Variants in FRMPD4 observed in about 807,000 individuals in gnomAD.
FRMPD4 encodes the protein FERM and PDZ domain-containing protein 4.
FRMPD4 carries 22 observed loss-of-function variants against 94.1 expected under a neutral mutation model. The observed-to-expected ratio is 0.23, with a 90% CI of 0.17 to 0.33. The LOEUF is 0.33. Ranked by LOEUF, FRMPD4 falls within the 10% of genes least tolerant of loss-of-function variation. FRMPD4 has a pLI of 1.00. For synonymous variants in FRMPD4, 631 were observed against 548.6 expected, an observed-to-expected ratio of 1.15 and a Z score of -2.10; for missense variants, 1,111 against 1,339.9, an observed-to-expected ratio of 0.83 and a Z score of 2.67.
intron 6 of FRMPD4, 138 bp downstream of exon 6, chrX:12,683,725 C>T: frequency 4.7e-6 from 2 of 427,143 alleles, no homozygotes; most frequent in South Asian, 8.1e-5. Context: ...TGTCAAATCT[C>T]AAGGTTGTAA....
intron 1 of FRMPD4, among the ~76,000 whole-genome samples, chrX:11,826,839 G>T (rs925229825): frequency 1.8e-5 from 2 of 109,807 alleles, no homozygotes; most frequent in African/African-American, 6.6e-5. Flanking sequence ...ACCTCAAAAG[G>T]TTCCCAGACA....
At chrX:12,281,169 T>C (rs1317242374) in intron 1 of FRMPD4, among the ~76,000 whole-genome samples, 1 of 111,685 alleles carries the variant, frequency 9.0e-6, no homozygotes, top group Non-Finnish European at 1.9e-5. Context: ...CAGGGAAGTT[T>C]GGGTGATGGG....
intron 1 of FRMPD4, among the ~76,000 whole-genome samples, chrX:12,165,266 A>G (rs1264545426): frequency 8.9e-6 from 1 of 112,482 alleles, no homozygotes; most frequent in Non-Finnish European, 1.9e-5. Context: ...CTTTCTACAT[A>G]TGGCCAGCCA....
At chrX:12,338,286 G>A (rs1265086868) in intron 1 of FRMPD4, among the ~76,000 whole-genome samples, 2 of 112,203 alleles carry the variant, frequency 1.8e-5, no homozygotes, top group Non-Finnish European at 3.8e-5. Flanking sequence ...CTGTGTCCTA[G>A]ACAGTATATA....
In FRMPD4 at chrX:12,190,430, C is replaced by A. The variant is rs758049498; in HGVS notation, c.41+51418C>A. 8.2e-5 allele frequency among the ~76,000 whole-genome samples: 9 copies of A among 110,389 alleles called. No homozygotes were observed. In the South Asian group the frequency reaches 3.1e-3, roughly 38 times the overall value. On this transcript the variant is annotated intron_variant, in intron 1 of 16. Transcript: ENST00000675598. ...CCAGAGGACTGACACTACCTAACTT[C>A]AAGAATTACTATAGAGACCAAAGCC...
intron 1 of FRMPD4, among the ~76,000 whole-genome samples, chrX:12,402,257 C>CG (rs879865703): frequency 2.0e-3 from 218 of 110,965 alleles, no homozygotes; most frequent in Middle Eastern, 9.2e-3. Flanking sequence ...CCACCCCCCC[C>CG]ACAAAAGCAG....
At chrX:12,259,622 C>T (rs759663533) in intron 1 of FRMPD4, among the ~76,000 whole-genome samples, 8 of 111,536 alleles carry the variant, frequency 7.2e-5, no homozygotes, top group South Asian at 3.8e-4. Flanking sequence ...TTCTAGGAAA[C>T]GAATACACGG....
intron 3 of FRMPD4, among the ~76,000 whole-genome samples, chrX:12,034,747 G>A (rs1313680210): frequency 8.9e-6 from 1 of 112,113 alleles, no homozygotes; most frequent in African/African-American, 3.2e-5. Flanking sequence ...CAGCATGTAG[G>A]CAGTCCTTGA....
intron 1 of FRMPD4, among the ~76,000 whole-genome samples, chrX:12,243,037 C>A (rs186148889): frequency 1.1e-4 from 12 of 112,392 alleles, no homozygotes; most frequent in Non-Finnish European, 1.9e-4. Context: ...CCACACCTGG[C>A]CCCAGCTAAT....
chrX:12,424,101 C>T (rs777931935), intron 1 of FRMPD4, among the ~76,000 whole-genome samples: 12 of 111,950 alleles, frequency 1.1e-4, no homozygotes, highest in Non-Finnish European at 2.1e-4. Flanking sequence ...ACAAAAGGAC[C>T]GAAACTTGTC....
At chrX:12,088,613 G>T (rs1201769273) in intron 3 of FRMPD4, among the ~76,000 whole-genome samples, 1 of 111,773 alleles carries the variant, frequency 8.9e-6, no homozygotes, top group Non-Finnish European at 1.9e-5. Flanking sequence ...GTGGTGAACT[G>T]GTGCTGGAGA....
chrX:12,124,033 A>T (rs951584977), intron 3 of FRMPD4, among the ~76,000 whole-genome samples: 7 of 111,278 alleles, frequency 6.3e-5, no homozygotes, highest in African/African-American at 2.3e-4. Context: ...ATTCTTTGTA[A>T]TCCAGTTCCT....
chrX:12,034,761 G>A (rs772451603), intron 3 of FRMPD4, among the ~76,000 whole-genome samples: 95 of 112,213 alleles, frequency 8.5e-4, no homozygotes, highest in African/African-American at 3.0e-3. Context: ...TCCTTGAAGG[G>A]AGTTATACTT....
intron 3 of FRMPD4, among the ~76,000 whole-genome samples, chrX:11,900,055 C>T (rs2053925892): frequency 8.9e-6 from 1 of 112,160 alleles, no homozygotes; most frequent in African/African-American, 3.2e-5. Flanking sequence ...ACAGGGCTTA[C>T]TTGGATTGGT....
chrX:12,557,264 A>T (rs972249094), intron 2 of FRMPD4, among the ~76,000 whole-genome samples: 10 of 90,892 alleles, frequency 1.1e-4, no homozygotes, highest in Non-Finnish European at 2.1e-4. Flanking sequence ...AAGAGGTAGC[A>T]AAGGTGGTCT....
intron 1 of FRMPD4, chrX:12,149,081 T>G (rs1323596263): frequency 1.8e-5 from 2 of 111,999 alleles, no homozygotes; most frequent in Non-Finnish European, 3.8e-5. Context: ...AGCCCAGTGA[T>G]CAATGAGTAA....
At chrX:12,326,917 G>A (rs973868189) in intron 1 of FRMPD4, among the ~76,000 whole-genome samples, 10 of 110,889 alleles carry the variant, frequency 9.0e-5, no homozygotes, top group African/African-American at 1.6e-4. Flanking sequence ...AATTACGATC[G>A]CACCACTGCA....
intron 1 of FRMPD4, among the ~76,000 whole-genome samples, chrX:12,293,987 C>A (rs1042786074): frequency 1.2e-4 from 13 of 112,218 alleles, no homozygotes; most frequent in African/African-American, 3.9e-4. Context: ...TGATTAAGTG[C>A]TAAAACACAG....
chrX:12,260,188 C>T (rs1051280090), intron 1 of FRMPD4, among the ~76,000 whole-genome samples: 1 of 110,935 alleles, frequency 9.0e-6, no homozygotes, highest in African/African-American at 3.3e-5. Context: ...GTGGTTTTAC[C>T]TGCACCTATA....
Sources: gnomAD v4.1 joint callset for allele counts (sites outside exome capture counted in the v4.1 genomes callset) on GRCh38, gnomAD v4.1.1 for gene constraint, MANE v1.5 for transcripts, NCBI Gene and HGNC (gene_info 2026-07-23, HGNC 2026-07-21) for gene names.